Variants in MYO3B observed in about 807,000 individuals in gnomAD.
The protein encoded by MYO3B is myosin-IIIb.
Under a neutral mutation model 174.6 loss-of-function variants are expected in MYO3B, and 156 were observed. The ratio of observed to expected loss-of-function variants is 0.89; its 90% CI spans 0.78 to 1.02. MYO3B has a LOEUF of 1.02. Ranked by LOEUF, MYO3B falls within the 50% of genes least tolerant of loss-of-function variation. The probability of loss-of-function intolerance (pLI) is 0.00; values close to 1 mark genes in which losing one functional copy is unlikely to be tolerated. For missense variants in MYO3B, 1,632 were observed against 1,639.4 expected (o/e 1.00, Z 0.08); for synonymous variants, 563 against 569.1 (o/e 0.99, Z 0.15).
intron 30 of MYO3B, among the ~76,000 whole-genome samples, chr2:170,537,727 T>G (rs1055257866): frequency 6.6e-6 from 1 of 152,168 alleles, no homozygotes; most frequent in East Asian, 1.9e-4. Flanking sequence ...GATTACAGGC[T>G]TGAGCCACCA....
Position 170,400,257 on chromosome 2 carries a change from T to G in MYO3B, c.1861T>G (p.Ser621Ala), listed in dbSNP as rs2094466234. ...TGGGAACATTGAGTTCGCAGCTATTTCCTCTCAACATCAGACTGATAAAAG... is the reference window on the plus strand; with the variant it reads ...TGGGAACATTGAGTTCGCAGCTATTGCCTCTCAACATCAGACTGATAAAAG... ...NIGNIEFAAI[S>A]SQHQTDKSEV... is the part of the protein sequence containing the mutation. Residue 621 changes from serine to alanine, a missense_variant, in exon 17 of 35, where the codon TCC becomes GCC. By Grantham distance (99) the Ser-to-Ala change is moderately conservative (BLOSUM62 1). Coordinates refer to ENST00000408978, the MANE Select transcript of MYO3B (RefSeq NM_138995.5). 6.2e-7 allele frequency: 1 copy of G among 1,614,094 alleles called. No homozygotes were observed. Among genetic ancestry groups the G allele is most frequent in the Non-Finnish European group, 8.5e-7 (1 of 1,180,004 alleles).
At chr2:170,367,846 T>C (rs2094210310) in intron 8 of MYO3B, among the ~76,000 whole-genome samples, 1 of 152,154 alleles carries the variant, frequency 6.6e-6, no homozygotes, top group Non-Finnish European at 1.5e-5. Context: ...AGTCAAATGA[T>C]GTATTTCTTC....
At chr2:170,396,533 C>T (rs574043371) in intron 16 of MYO3B, among the ~76,000 whole-genome samples, 10 of 152,176 alleles carry the variant, frequency 6.6e-5, no homozygotes, top group African/African-American at 1.9e-4. Flanking sequence ...TTGGTTACCC[C>T]GCTGTTAGTT....
chr2:170,339,908 A>G (rs182960835), intron 8 of MYO3B, among the ~76,000 whole-genome samples: 3 of 152,250 alleles, frequency 2.0e-5, no homozygotes, highest in East Asian at 3.9e-4. Flanking sequence ...TGTCACCTCT[A>G]TAATGTGTGG....
chr2:170,397,065 C>G (rs2094445875), intron 16 of MYO3B, among the ~76,000 whole-genome samples: 1 of 152,098 alleles, frequency 6.6e-6, no homozygotes, highest in South Asian at 2.1e-4. Context: ...TAAATCCGAG[C>G]AAGTCCCAGA....
At chr2:170,558,296 CTG>C (rs1383054669) in intron 32 of MYO3B, among the ~76,000 whole-genome samples, 1 of 149,814 alleles carries the variant, frequency 6.7e-6, no homozygotes, top group Non-Finnish European at 1.5e-5. Flanking sequence ...GAGTGAGACT[CTG>C]TCTCCAAAAA....
chr2:170,378,501 T>C (rs551732538), intron 9 of MYO3B, among the ~76,000 whole-genome samples: 42 of 152,178 alleles, frequency 2.8e-4, no homozygotes, highest in Non-Finnish European at 5.0e-4. Context: ...GCAGTTAAAA[T>C]TTTTAAAAAG....
At chr2:170,453,452 AC>A (rs1553497499) in intron 23 of MYO3B, among the ~76,000 whole-genome samples, 1 of 116,042 alleles carries the variant, frequency 8.6e-6, no homozygotes, top group East Asian at 2.8e-4. Context: ...ACACACACAC[AC>A]GAGAGAGAGA....
intron 9 of MYO3B, among the ~76,000 whole-genome samples, chr2:170,374,423 G>T (rs2094273327): frequency 6.6e-6 from 1 of 152,152 alleles, no homozygotes; most frequent in Admixed American, 6.5e-5. Flanking sequence ...AGGAACTTTT[G>T]ATAGATAATT....
At chr2:170,400,167 G>A (rs765560087) in intron 16 of MYO3B, 21 bp from the exon 17 acceptor site, 2 of 1,613,720 alleles carry the variant, frequency 1.2e-6, no homozygotes, top group African/African-American at 2.7e-5. Flanking sequence ...CTTCATATAT[G>A]GTTCTTGATG....
At chr2:170,316,680 T>G (rs899392392) in intron 7 of MYO3B, among the ~76,000 whole-genome samples, 15 of 152,250 alleles carry the variant, frequency 9.9e-5, no homozygotes, top group African/African-American at 3.6e-4. Context: ...TAATGTTATC[T>G]TATTCATGGT....
chr2:170,608,430 T>C (rs1193066872), intron 32 of MYO3B, among the ~76,000 whole-genome samples: 1 of 152,162 alleles, frequency 6.6e-6, no homozygotes, highest in Non-Finnish European at 1.5e-5. Flanking sequence ...GACTTCCCAG[T>C]GGGATTATAC....
intron 2 of MYO3B, 99 bp from the exon 3 acceptor site, chr2:170,200,051 A>T: frequency 8.9e-7 from 1 of 1,124,140 alleles, no homozygotes; most frequent in African/African-American, 1.6e-5. Flanking sequence ...GAAAATACAT[A>T]GTACATATGT....
chr2:170,468,183 G>A (rs1684762713), intron 25 of MYO3B, among the ~76,000 whole-genome samples: 1 of 152,144 alleles, frequency 6.6e-6, no homozygotes, highest in Non-Finnish European at 1.5e-5. Context: ...TTAACAAAAT[G>A]GATGAGTTAG....
intron 23 of MYO3B, among the ~76,000 whole-genome samples, chr2:170,445,340 A>AT (rs113323701): frequency 0.1 from 15,376 of 146,736 alleles, 933 homozygotes; most frequent in East Asian, 0.25. Flanking sequence ...GCGGGGATAC[A>AT]TTTTTTTTTT....
intron 8 of MYO3B, among the ~76,000 whole-genome samples, chr2:170,346,976 T>G (rs1351248834): frequency 1.3e-5 from 2 of 152,240 alleles, no homozygotes; most frequent in African/African-American, 4.8e-5. Context: ...TTTACATTTC[T>G]TTTTAATTAT....
chr2:170,376,704 T>G (rs1325390219), intron 9 of MYO3B, among the ~76,000 whole-genome samples: 1 of 152,140 alleles, frequency 6.6e-6, no homozygotes, highest in Non-Finnish European at 1.5e-5. Flanking sequence ...AGTTCCACTC[T>G]TGGACGGAGG....
At chr2:170,552,779 A>G (rs554512304) in intron 32 of MYO3B, among the ~76,000 whole-genome samples, 23 of 152,314 alleles carry the variant, frequency 1.5e-4, no homozygotes, top group African/African-American at 5.0e-4. Context: ...AGAGACCTTC[A>G]TGGCAGCCCC....
At chr2:170,227,992 C>T (rs1017050570) in intron 6 of MYO3B, among the ~76,000 whole-genome samples, 1 of 152,018 alleles carries the variant, frequency 6.6e-6, no homozygotes, top group African/African-American at 2.4e-5. Context: ...CCTTAACATA[C>T]TCTGGTGGAA....
Sources: allele counts gnomAD v4.1 joint callset (sites outside exome capture counted in the v4.1 genomes callset), GRCh38; gene constraint gnomAD v4.1.1; transcripts MANE v1.5; gene names NCBI Gene and HGNC (gene_info 2026-07-23, HGNC 2026-07-21).